Variants in CC2D2A observed in about 807,000 individuals in gnomAD.
The protein encoded by CC2D2A is coiled-coil and C2 domain containing 2A.
CC2D2A carries 155 observed loss-of-function variants against 212.9 expected under a neutral mutation model. The ratio of observed to expected loss-of-function variants is 0.73; its 90% CI spans 0.64 to 0.83. CC2D2A has a LOEUF of 0.83. Among genes scored for constraint, CC2D2A ranks in the 40% least tolerant of loss-of-function variants. The pLI is 0.00. For missense variants in CC2D2A, 1,856 were observed against 1,956.2 expected (o/e 0.95, Z 0.97); for synonymous variants, 667 against 686.5 (o/e 0.97, Z 0.44).
chr4:15,590,401 G>C (rs1721048824), intron 33 of CC2D2A, among the ~76,000 whole-genome samples: 2 of 152,168 alleles, frequency 1.3e-5, no homozygotes, highest in African/African-American at 4.8e-5. Flanking sequence ...TGTAATCCCA[G>C]CTACTTGGGA....
Position 15,589,554 on chromosome 4 carries a change from G to A in CC2D2A, c.4189G>A (p.Ala1397Thr). ...MGNAIPEGPTAYVLTWEQGRY... is the reference protein window; with the variant it reads ...MGNAIPEGPTTYVLTWEQGRY... ...GGCCATCTTCTTTCAGGGTCCAACT[G>A]CCTATGTGCTAACTTGGGAGCAAGG... Residue 1397 changes from alanine to threonine, a missense_variant, in exon 33 of 37, where the codon GCC becomes ACC. Physicochemically the swap from Ala to Thr is moderately conservative, Grantham distance 58 (BLOSUM62 0). Around this residue, in one of 5 missense-constraint regions of CC2D2A, gnomAD observed 285 missense variants for 278.4 expected, o/e 1.02. Coordinates refer to ENST00000424120, the MANE Select transcript of CC2D2A (RefSeq NM_001378615.1). The A allele has an allele frequency of 3.1e-6, 5 of 1,611,734 alleles. No individual in the cohort carries two copies. The highest frequency in any genetic ancestry group is 4.2e-6 in the Non-Finnish European group (5 of 1,178,610).
At chr4:15,587,174 C>T (rs751329571) in intron 31 of CC2D2A, among the ~76,000 whole-genome samples, 5 of 152,214 alleles carry the variant, frequency 3.3e-5, no homozygotes, top group Non-Finnish European at 5.9e-5. Flanking sequence ...AAGGCCTGCA[C>T]GACCTGGATT....
Position 15,480,694 on chromosome 4 carries a change from C to T in CC2D2A, c.124-10C>T. 1 of 1,607,134 alleles carries T rather than the reference C, an allele frequency of 6.2e-7. No homozygotes were observed. The highest frequency in any genetic ancestry group is 8.5e-7 in the Non-Finnish European group (1 of 1,176,952). ...TGGGAGTCTCTGAACCTCTGACCTT[C>T]TTCCTCCAGCCACCAACTGCTGTCC... is the stretch of plus-strand genomic sequence containing the variant. On this transcript the variant is annotated splice_polypyrimidine_tract_variant and intron_variant, in intron 3 of 36. Coordinates refer to ENST00000424120, the MANE Select transcript of CC2D2A (RefSeq NM_001378615.1).
At chr4:15,480,879 C>T in intron 4 of CC2D2A, 52 bp downstream of exon 4, 1 of 1,586,548 alleles carries the variant, frequency 6.3e-7, no homozygotes, top group Non-Finnish European at 8.6e-7. Flanking sequence ...CTACTGTGAG[C>T]TCAGCACAGA....
At chr4:15,534,705 A>G (rs1212890282) in intron 14 of CC2D2A, among the ~76,000 whole-genome samples, 1 of 152,218 alleles carries the variant, frequency 6.6e-6, no homozygotes, top group Non-Finnish European at 1.5e-5. Flanking sequence ...GCCATATTAC[A>G]GCCAAAGATA....
chr4:15,501,419 CT>C (rs954392094), intron 4 of CC2D2A, among the ~76,000 whole-genome samples: 6 of 152,236 alleles, frequency 3.9e-5, no homozygotes, highest in African/African-American at 1.4e-4. Context: ...GAAAACGCTG[CT>C]TGCATTCATG....
Position 15,553,359 on chromosome 4 carries a change from T to C in CC2D2A, c.2486+54T>C. ...GCAATGTCAGTGTTATCATTAAAGA[T>C]ACCCAAGGGGAAAGAAAGCTTGCAG... On this transcript the variant is annotated intron_variant, in intron 19 of 36. Transcript: ENST00000424120. 4 of 1,567,772 alleles carry C rather than the reference T, an allele frequency of 2.6e-6. No individual in the cohort carries two copies. The South Asian group carries it at 4.7e-5, about 18-fold the overall frequency.
intron 13 of CC2D2A, among the ~76,000 whole-genome samples, chr4:15,532,819 G>C (rs1717917693): frequency 6.6e-6 from 1 of 152,186 alleles, no homozygotes; most frequent in African/African-American, 2.4e-5. Context: ...GTTAACACAG[G>C]AAGACTTTAC....
chr4:15,488,106 A>T (rs539172050), intron 4 of CC2D2A, among the ~76,000 whole-genome samples: 24 of 152,200 alleles, frequency 1.6e-4, no homozygotes, highest in African/African-American at 5.8e-4. Context: ...CCGCAATTAC[A>T]GTGTTAGGGT....
At chr4:15,530,008 G>A (rs1717747976) in intron 13 of CC2D2A, among the ~76,000 whole-genome samples, 1 of 147,286 alleles carries the variant, frequency 6.8e-6, no homozygotes, top group South Asian at 2.1e-4. Flanking sequence ...GTCTCACTCT[G>A]TCGCCCAGGC....
At chr4:15,478,062 C>T (rs986453765) in intron 2 of CC2D2A, among the ~76,000 whole-genome samples, 1 of 152,160 alleles carries the variant, frequency 6.6e-6, no homozygotes, top group Admixed American at 6.5e-5. Context: ...CTATAAAACT[C>T]TAGGACTAAA....
intron 14 of CC2D2A, 105 bp downstream of exon 14, chr4:15,533,438 T>C: frequency 2.6e-6 from 2 of 783,998 alleles, no homozygotes; most frequent in Non-Finnish European, 3.8e-6. Flanking sequence ...AATATGCATG[T>C]AACCACTTCC....
At chr4:15,523,144 G>A (rs375402695) in intron 11 of CC2D2A, among the ~76,000 whole-genome samples, 1 of 151,420 alleles carries the variant, frequency 6.6e-6, no homozygotes, top group African/African-American at 2.4e-5. Flanking sequence ...TTGAAAAGCA[G>A]TACAAACATC....
intron 11 of CC2D2A, among the ~76,000 whole-genome samples, chr4:15,523,997 C>T (rs1717354055): frequency 6.6e-6 from 1 of 152,164 alleles, no homozygotes; most frequent in African/African-American, 2.4e-5. Flanking sequence ...GAAATCTTCC[C>T]AGGGAAGACC....
At chr4:15,557,228 C>A in intron 20 of CC2D2A, 76 bp from the exon 21 acceptor site, 1 of 898,216 alleles carries the variant, frequency 1.1e-6, no homozygotes, top group Non-Finnish European at 1.7e-6. Context: ...TTAAATGTTC[C>A]TTGACACTCA....
chr4:15,592,981 T>C (rs2148491365), intron 33 of CC2D2A, among the ~76,000 whole-genome samples: 1 of 152,372 alleles, frequency 6.6e-6, no homozygotes, highest in African/African-American at 2.4e-5. Context: ...TCAATCCTAA[T>C]TATAGAGGCC....
chr4:15,582,706 C>T (rs1168833149), intron 30 of CC2D2A, among the ~76,000 whole-genome samples: 1 of 152,090 alleles, frequency 6.6e-6, no homozygotes, highest in Non-Finnish European at 1.5e-5. Context: ...AATGAAAAGT[C>T]TCCTACCAAA....
At chr4:15,474,951 C>G (rs949439423) in intron 1 of CC2D2A, among the ~76,000 whole-genome samples, 2 of 152,114 alleles carry the variant, frequency 1.3e-5, no homozygotes, top group Non-Finnish European at 2.9e-5. Flanking sequence ...AAAAATTGAG[C>G]AACAGCTAGA....
chr4:15,503,743 C>T (rs180731317), intron 6 of CC2D2A, among the ~76,000 whole-genome samples: 1 of 152,228 alleles, frequency 6.6e-6, no homozygotes, highest in East Asian at 1.9e-4. Context: ...GAATTTCGTT[C>T]GTATTTGAGG....
Sources: allele counts gnomAD v4.1 joint callset (sites outside exome capture counted in the v4.1 genomes callset), GRCh38; gene constraint gnomAD v4.1.1; regional missense constraint gnomAD v4.1.1; transcripts MANE v1.5; gene names NCBI Gene and HGNC (gene_info 2026-07-23, HGNC 2026-07-21).